Variants in NEGR1 observed in about 807,000 individuals in gnomAD.
The protein encoded by NEGR1 is IgLON family member 4.
NEGR1 carries 10 observed loss-of-function variants against 40.9 expected under a neutral mutation model. The ratio of observed to expected loss-of-function variants is 0.24; its 90% confidence interval spans 0.15 to 0.42. The LOEUF is 0.42. Ranked by LOEUF, NEGR1 falls within the 10% of genes least tolerant of loss-of-function variation. The pLI is 1.00. For missense variants in NEGR1, 352 were observed against 438.9 expected (o/e 0.80, Z 1.77); for synonymous variants, 185 against 166.8 (o/e 1.11, Z -0.84).
intron 1 of NEGR1, among the ~76,000 whole-genome samples, chr1:72,113,180 C>G (rs892138565): frequency 6.6e-6 from 1 of 151,542 alleles, no homozygotes; most frequent in Admixed American, 6.6e-5. Context: ...AATTTATGAA[C>G]GGACTAGCAA....
intron 4 of NEGR1, among the ~76,000 whole-genome samples, chr1:71,637,567 T>TA (rs921753140): frequency 6.6e-6 from 1 of 152,016 alleles, no homozygotes; most frequent in South Asian, 2.1e-4. Context: ...TAGAGGATTA[T>TA]AAAAAAATCT....
At chr1:71,524,190 T>G (rs1440826492) in intron 6 of NEGR1, among the ~76,000 whole-genome samples, 1 of 151,738 alleles carries the variant, frequency 6.6e-6, no homozygotes, top group Non-Finnish European at 1.5e-5. Flanking sequence ...TCATTAACTC[T>G]AATTGTTTCA....
intron 6 of NEGR1, among the ~76,000 whole-genome samples, chr1:71,493,712 A>G (rs528440065): frequency 3.3e-5 from 5 of 152,178 alleles, no homozygotes; most frequent in Non-Finnish European, 7.3e-5. Flanking sequence ...TTCCTTACAC[A>G]GATTTTTCAT....
chr1:71,561,066 T>G (rs959887415), intron 6 of NEGR1, among the ~76,000 whole-genome samples: 4 of 151,584 alleles, frequency 2.6e-5, no homozygotes, highest in African/African-American at 9.7e-5. Context: ...TAATATGATG[T>G]ACATAAAGTC....
intron 1 of NEGR1, among the ~76,000 whole-genome samples, chr1:72,072,473 T>C (rs1647509328): frequency 6.6e-6 from 1 of 152,182 alleles, no homozygotes; most frequent in Non-Finnish European, 1.5e-5. Flanking sequence ...AAATAAAGTT[T>C]ATTTGCAGAC....
At chr1:72,064,801 A>G (rs1557508545) in intron 1 of NEGR1, among the ~76,000 whole-genome samples, 1 of 152,028 alleles carries the variant, frequency 6.6e-6, no homozygotes, top group Non-Finnish European at 1.5e-5. Context: ...TTCATCTCAT[A>G]TGATTCCTAC....
At chr1:72,192,535 A>G (rs981548204) in intron 1 of NEGR1, among the ~76,000 whole-genome samples, 1 of 151,860 alleles carries the variant, frequency 6.6e-6, no homozygotes, top group African/African-American at 2.4e-5. Context: ...TGCTAATTGC[A>G]AAGTATAAAT....
intron 6 of NEGR1, among the ~76,000 whole-genome samples, chr1:71,447,115 A>G (rs1412397898): frequency 2.6e-5 from 4 of 152,224 alleles, no homozygotes; most frequent in African/African-American, 9.6e-5. Flanking sequence ...AGCGGGCCTT[A>G]CTGTCTGAAC....
In NEGR1 at chr1:72,190,136, G is replaced by T. The variant is rs573590514; in HGVS notation, c.176+92183C>A. 7.3e-5 allele frequency among the ~76,000 whole-genome samples: 11 copies of T among 151,528 alleles called. No homozygotes were observed. The South Asian group carries it at 1.2e-3, about 17-fold the overall frequency. On this transcript the variant is annotated intron_variant, in intron 1 of 6. Coordinates refer to ENST00000357731, the MANE Select transcript of NEGR1 (RefSeq NM_173808.3). Reference sequence around the variant, plus strand: ...TGAATGAAAAATTTTAATTCCATTTGTCATATATAGCTATATTAATCACAA... The same window carrying T: ...TGAATGAAAAATTTTAATTCCATTTTTCATATATAGCTATATTAATCACAA...
At chr1:72,189,975 C>A (rs1158382867) in intron 1 of NEGR1, among the ~76,000 whole-genome samples, 1 of 151,550 alleles carries the variant, frequency 6.6e-6, no homozygotes, top group Non-Finnish European at 1.5e-5. Flanking sequence ...ACTTTTCCTA[C>A]TCTCTTTTCC....
intron 1 of NEGR1, among the ~76,000 whole-genome samples, chr1:71,994,061 T>C (rs1646480136): frequency 1.3e-5 from 2 of 152,242 alleles, no homozygotes; most frequent in South Asian, 4.1e-4. Context: ...CACAACTCTG[T>C]TGTTTAAGGA....
At chr1:71,888,020 C>A (rs553045356) in intron 2 of NEGR1, among the ~76,000 whole-genome samples, 1 of 151,852 alleles carries the variant, frequency 6.6e-6, no homozygotes, top group African/African-American at 2.4e-5. Context: ...CACACACACA[C>A]ACACACACAC....
At chr1:72,172,216 T>A (rs970029051) in intron 1 of NEGR1, among the ~76,000 whole-genome samples, 1 of 152,178 alleles carries the variant, frequency 6.6e-6, no homozygotes, top group Non-Finnish European at 1.5e-5. Context: ...TAGAATTTCT[T>A]CCACCTTAGG....
chr1:71,994,130 T>C (rs1301798552), intron 1 of NEGR1, among the ~76,000 whole-genome samples: 1 of 152,168 alleles, frequency 6.6e-6, no homozygotes, highest in Non-Finnish European at 1.5e-5. Flanking sequence ...CAAATGTCAA[T>C]TACTTCCCAA....
At chr1:72,001,540 C>A (rs1454749915) in intron 1 of NEGR1, among the ~76,000 whole-genome samples, 2 of 150,934 alleles carry the variant, frequency 1.3e-5, no homozygotes, top group Non-Finnish European at 2.9e-5. Context: ...AATATTTTGT[C>A]CTTGCTACAA....
intron 4 of NEGR1, among the ~76,000 whole-genome samples, chr1:71,685,831 A>T (rs1466594829): frequency 6.6e-6 from 1 of 152,208 alleles, no homozygotes; most frequent in Non-Finnish European, 1.5e-5. Flanking sequence ...AATTTATATT[A>T]TATAAACGTG....
At chr1:71,479,996 G>T (rs1646844281) in intron 6 of NEGR1, among the ~76,000 whole-genome samples, 1 of 151,736 alleles carries the variant, frequency 6.6e-6, no homozygotes, top group African/African-American at 2.4e-5. Flanking sequence ...TTCATGGGAG[G>T]GCTCACTTGT....
intron 2 of NEGR1, among the ~76,000 whole-genome samples, chr1:71,902,949 A>G (rs1205121839): frequency 6.6e-6 from 1 of 152,032 alleles, no homozygotes; most frequent in Non-Finnish European, 1.5e-5. Flanking sequence ...CTATGTTATT[A>G]TAATTGAAAA....
At chr1:71,471,313 T>C (rs1387227335) in intron 6 of NEGR1, among the ~76,000 whole-genome samples, 3 of 152,126 alleles carry the variant, frequency 2.0e-5, no homozygotes, top group African/African-American at 7.2e-5. Flanking sequence ...TTCACCAATC[T>C]TAAATTATTA....
Sources: allele counts gnomAD v4.1 joint callset (sites outside exome capture counted in the v4.1 genomes callset), GRCh38; gene constraint gnomAD v4.1.1; transcripts MANE v1.5; gene names NCBI Gene and HGNC (gene_info 2026-07-23, HGNC 2026-07-21).